The following SLC33A1 variants were observed in gnomAD, a reference collection of about 807,000 sequenced individuals.
SLC33A1 encodes solute carrier family 33 member 1.
A neutral mutation model predicts 50.0 loss-of-function variants in SLC33A1; 20 were observed. The ratio of observed to expected loss-of-function variants is 0.40; its 90% CI spans 0.28 to 0.58. The LOEUF is 0.58. SLC33A1 is among the 20% of genes least tolerant of loss of function. The probability of loss-of-function intolerance (pLI) is 0.44; values close to 1 mark genes in which losing one functional copy is unlikely to be tolerated. For missense variants in SLC33A1, 476 were observed against 657.0 expected (o/e 0.72, Z 3.01); for synonymous variants, 265 against 251.8 (o/e 1.05, Z -0.50).
chr3:155,832,723 C>CAAAAAAAAAAAAA (rs11303771), intron 4 of SLC33A1, among the ~76,000 whole-genome samples: 2 of 28,132 alleles, frequency 7.1e-5, no homozygotes, highest in East Asian at 1.3e-3. Flanking sequence ...GACTCTGTCT[C>CAAAAAAAAAAAAA]AAAAAAAAAA....
chr3:155,844,780 T>G (rs1753105187), intron 1 of SLC33A1: 1 of 152,074 alleles, frequency 6.6e-6, no homozygotes, highest in Admixed American at 6.6e-5. Flanking sequence ...AAATAACATC[T>G]TAACATAATT....
intron 4 of SLC33A1, among the ~76,000 whole-genome samples, chr3:155,833,208 C>T (rs1265260280): frequency 6.6e-6 from 1 of 152,044 alleles, no homozygotes; most frequent in Non-Finnish European, 1.5e-5. Context: ...GAGACTGCAC[C>T]ACTGCACCCC....
At chr3:155,831,103 T>A (rs1752410470) in intron 4 of SLC33A1, among the ~76,000 whole-genome samples, 1 of 152,210 alleles carries the variant, frequency 6.6e-6, no homozygotes, top group Non-Finnish European at 1.5e-5. Flanking sequence ...GGGCATGATT[T>A]ATTAAGTTAT....
At chr3:155,848,497 A>G (rs1439729455) in intron 1 of SLC33A1, among the ~76,000 whole-genome samples, 1 of 152,172 alleles carries the variant, frequency 6.6e-6, no homozygotes, top group Non-Finnish European at 1.5e-5. Context: ...CCTGGCTAAC[A>G]TGGTGCAACC....
At chr3:155,842,271 T>C (rs1752964228) in intron 2 of SLC33A1, among the ~76,000 whole-genome samples, 161 bp downstream of exon 2, 1 of 152,204 alleles carries the variant, frequency 6.6e-6, no homozygotes, top group African/African-American at 2.4e-5. Context: ...TTGATATCAT[T>C]ACATCTTTTC....
intron 3 of SLC33A1, 105 bp downstream of exon 3, chr3:155,833,752 A>T: frequency 9.4e-7 from 1 of 1,069,392 alleles, no homozygotes; most frequent in Non-Finnish European, 1.4e-6. Flanking sequence ...GATGCTTTTC[A>T]AATCTTTTTC....
chr3:155,828,622 ACTTGTGG>A (rs1398154807), intron 5 of SLC33A1, among the ~76,000 whole-genome samples: 9 of 152,122 alleles, frequency 5.9e-5, no homozygotes, highest in Non-Finnish European at 5.9e-5. Context: ...ACACGGTCTC[ACTTGTGG>A]CCCCGGCTGA....
rs1752096858 is a variant in SLC33A1, at chr3:155,821,736, G to C, written c.*6474C>G. ...CTGCCTTGGCCTCCCAAAGTGCTGGGATTACAGACGTGAGCCACTGGACCC... is the reference window on the plus strand; with the variant it reads ...CTGCCTTGGCCTCCCAAAGTGCTGGCATTACAGACGTGAGCCACTGGACCC... On this transcript the variant is annotated 3_prime_UTR_variant, in exon 6 of 6. Coordinates refer to ENST00000643144, the MANE Select transcript of SLC33A1 (RefSeq NM_004733.4). 1 of 150,682 alleles carries C rather than the reference G, an allele frequency of 6.6e-6. No homozygotes were observed. The highest frequency in any genetic ancestry group is 2.5e-5 in the African/African-American group (1 of 40,658). 9.3% of individuals were successfully genotyped at this position (150,682 alleles called of 1,614,324 possible). A position where few individuals can be genotyped will look rare whatever the true frequency, so the allele number is the denominator to read the frequency against.
Position 155,853,915 on chromosome 3 carries a change from C to A in SLC33A1, c.83G>T (p.Gly28Val), listed in dbSNP as rs1202769692. ...ATCCCAACCGCCTGGCGGCAGGGGA[C>A]CGCTCTTCATATCCAGAGAGTGACT... Reference protein sequence around the residue: ...NFSHSLDMKSGPLPPGGWDDS... With the variant: ...NFSHSLDMKSVPLPPGGWDDS... Residue 28 changes from glycine to valine, a missense_variant, in exon 1 of 6, where the codon GGT becomes GTT. Gly to Val is a moderately radical substitution (Grantham distance 109). Transcript: ENST00000643144. 3.2e-6 allele frequency: 5 copies of A among 1,542,842 alleles called. No individual in the cohort carries two copies. In the South Asian group the frequency reaches 6.4e-5, roughly 20 times the overall value.
intron 1 of SLC33A1, among the ~76,000 whole-genome samples, chr3:155,847,619 G>A (rs1255360735): frequency 1.3e-5 from 2 of 151,480 alleles, no homozygotes; most frequent in African/African-American, 2.4e-5. Flanking sequence ...ATTGTGGCGT[G>A]TGCCTGTAAT....
intron 1 of SLC33A1, among the ~76,000 whole-genome samples, chr3:155,849,070 C>A (rs1389324422): frequency 6.6e-6 from 1 of 151,886 alleles, no homozygotes; most frequent in Non-Finnish European, 1.5e-5. Context: ...TGCGCCACCA[C>A]ACCCGGCTAA....
chr3:155,831,072 A>C (rs1752408313), intron 4 of SLC33A1, among the ~76,000 whole-genome samples: 1 of 151,772 alleles, frequency 6.6e-6, no homozygotes, highest in African/African-American at 2.4e-5. Context: ...TACAACATAC[A>C]CTCCTTGAGG....
chr3:155,850,798 A>G (rs548082222), intron 1 of SLC33A1, among the ~76,000 whole-genome samples: 1 of 151,440 alleles, frequency 6.6e-6, no homozygotes, highest in East Asian at 2.0e-4. Flanking sequence ...TGTATTTTTA[A>G]TAGAGAAGGG....
At chr3:155,841,686 A>G (rs1224257103) in intron 2 of SLC33A1, among the ~76,000 whole-genome samples, 1 of 152,022 alleles carries the variant, frequency 6.6e-6, no homozygotes, top group Non-Finnish European at 1.5e-5. Context: ...AAATAATTCA[A>G]TGGATTTTTA....
chr3:155,845,670 A>G (rs1753139870), intron 1 of SLC33A1, among the ~76,000 whole-genome samples: 2 of 152,234 alleles, frequency 1.3e-5, no homozygotes, highest in Non-Finnish European at 1.5e-5. Context: ...TTTTATGAAC[A>G]CAATTATCAC....
chr3:155,828,040 A>G lies in SLC33A1; in HGVS notation c.*170T>C, dbSNP rs80216545. On this transcript the variant is annotated 3_prime_UTR_variant, in exon 6 of 6. Transcript: ENST00000643144. ...AATACATTGACAAGGCAAAAAAAAA[A>G]TATGATCAAATATACAGAAAGGTTT... 3 of 577,708 alleles carry G rather than the reference A, an allele frequency of 5.2e-6. No individual in the cohort carries two copies. Among genetic ancestry groups the G allele is most frequent in the African/African-American group, 3.8e-5 (2 of 52,850 alleles). 35.8% of individuals were successfully genotyped at this position (577,708 alleles called of 1,614,324 possible). A position where few individuals can be genotyped will look rare whatever the true frequency, so the allele number is the denominator to read the frequency against.
At chr3:155,844,532 C>A (rs1335079485) in intron 1 of SLC33A1, among the ~76,000 whole-genome samples, 1 of 125,372 alleles carries the variant, frequency 8.0e-6, no homozygotes, top group Non-Finnish European at 1.6e-5. Context: ...GTGGTGCAAT[C>A]TCAGCTTACT....
At chr3:155,839,389 A>AAAAG (rs1752837618) in intron 2 of SLC33A1, among the ~76,000 whole-genome samples, 1 of 148,150 alleles carries the variant, frequency 6.7e-6, no homozygotes, top group Admixed American at 6.7e-5. Flanking sequence ...AAAAAAAAAA[A>AAAAG]AAAAAAAAAG....
chr3:155,848,500 G>A (rs1441225053), intron 1 of SLC33A1, among the ~76,000 whole-genome samples: 1 of 152,116 alleles, frequency 6.6e-6, no homozygotes. Context: ...GGCTAACATG[G>A]TGCAACCCTG....
Sources: gnomAD v4.1 joint callset for allele counts (sites outside exome capture counted in the v4.1 genomes callset) on GRCh38, gnomAD v4.1.1 for gene constraint, MANE v1.5 for transcripts, NCBI Gene and HGNC (gene_info 2026-07-23, HGNC 2026-07-21) for gene names.